The following ADAM23 variants were observed in gnomAD, a reference collection of about 807,000 sequenced individuals.
The protein encoded by ADAM23 is ADAM metallopeptidase domain 23.
Under a neutral mutation model 120.1 loss-of-function variants are expected in ADAM23, and 33 were observed. The ratio of observed to expected loss-of-function variants is 0.27; its 90% CI spans 0.21 to 0.37. The LOEUF (loss-of-function observed/expected upper bound fraction) is 0.37, where lower values mean the gene tolerates loss of function less well. ADAM23 is among the 10% of genes least tolerant of loss of function. The pLI is 1.00. For synonymous variants in ADAM23, 367 were observed against 375.2 expected (o/e 0.98, Z 0.25); for missense variants, 862 against 1,058.2 (o/e 0.81, Z 2.57).
At position 206,542,286 on chromosome 2, in the gene ADAM23, G is replaced by A. The variant is rs909423443; in HGVS notation, c.656+152G>A. The A allele has an allele frequency of 9.9e-6, 7 of 706,058 alleles. No homozygotes were observed. In the African/African-American group the frequency reaches 1.2e-4, roughly 13 times the overall value. The allele number at this position is 706,058 out of a possible 1,614,324, so 43.7% of individuals were successfully genotyped here. On this transcript the variant is annotated intron_variant, in intron 5 of 25. Coordinates refer to ENST00000264377, the MANE Select transcript of ADAM23 (RefSeq NM_003812.4). ...AGGAGGGCAATGTCCCTGTCCTCTT[G>A]AACACTTAGTGTTTGCAGGAGATTC...
intron 3 of ADAM23, among the ~76,000 whole-genome samples, chr2:206,489,949 C>G (rs1335589801): frequency 6.6e-6 from 1 of 152,210 alleles, no homozygotes; most frequent in Non-Finnish European, 1.5e-5. Flanking sequence ...GTAGAACCAT[C>G]TGTTATGCTC....
At chr2:206,600,004 A>G (rs1046857694) in intron 24 of ADAM23, among the ~76,000 whole-genome samples, 7 of 152,226 alleles carry the variant, frequency 4.6e-5, no homozygotes, top group East Asian at 1.9e-4. Flanking sequence ...GATCGAGACC[A>G]TCCTGGCTAA....
intron 4 of ADAM23, 36 bp downstream of exon 4, chr2:206,530,984 A>G: frequency 6.3e-7 from 1 of 1,585,416 alleles, no homozygotes; most frequent in Middle Eastern, 1.7e-4. Flanking sequence ...CTCTAGTATA[A>G]GTGTGCTTAT....
chr2:206,588,979 G>A (rs1462668482), intron 20 of ADAM23, among the ~76,000 whole-genome samples: 2 of 152,100 alleles, frequency 1.3e-5, no homozygotes, highest in Non-Finnish European at 2.9e-5. Flanking sequence ...ATCTCAATAG[G>A]CTACGACTTT....
intron 4 of ADAM23, 113 bp from the exon 5 acceptor site, chr2:206,541,939 T>TA: frequency 9.3e-7 from 1 of 1,077,174 alleles, no homozygotes; most frequent in Non-Finnish European, 1.4e-6. Flanking sequence ...CTAGGGTTAT[T>TA]AATACAGTGC....
intron 20 of ADAM23, among the ~76,000 whole-genome samples, chr2:206,588,778 T>A (rs577342611): frequency 1.3e-5 from 2 of 152,340 alleles, no homozygotes; most frequent in South Asian, 4.1e-4. Context: ...TAGCCAAGGC[T>A]GGGTTCACCC....
intron 7 of ADAM23, among the ~76,000 whole-genome samples, chr2:206,547,773 C>A (rs1303193659): frequency 6.6e-6 from 1 of 152,192 alleles, no homozygotes; most frequent in East Asian, 1.9e-4. Context: ...CAGTGAGGTT[C>A]ATCCTGAAAT....
chr2:206,546,428 T>C (rs1697399244), intron 6 of ADAM23, among the ~76,000 whole-genome samples: 1 of 152,224 alleles, frequency 6.6e-6, no homozygotes, highest in Non-Finnish European at 1.5e-5. Flanking sequence ...TGAGAATTCA[T>C]GTTATCTCTC....
At chr2:206,456,980 G>T (rs1378255871) in intron 2 of ADAM23, among the ~76,000 whole-genome samples, 1 of 152,112 alleles carries the variant, frequency 6.6e-6, no homozygotes, top group Non-Finnish European at 1.5e-5. Context: ...TCTTTTAATT[G>T]TAAGCAGGCC....
At chr2:206,594,260 ATTTG>A (rs1192425299) in intron 22 of ADAM23, among the ~76,000 whole-genome samples, 4 of 152,044 alleles carry the variant, frequency 2.6e-5, no homozygotes, top group Non-Finnish European at 4.4e-5. Flanking sequence ...AAAATAACTG[ATTTG>A]TTTATGTTTT....
At chr2:206,596,875 T>C (rs1002017948) in intron 24 of ADAM23, among the ~76,000 whole-genome samples, 1 of 151,292 alleles carries the variant, frequency 6.6e-6, no homozygotes, top group African/African-American at 2.4e-5. Flanking sequence ...CAGACTCTTG[T>C]TCTCTTCCCA....
intron 3 of ADAM23, among the ~76,000 whole-genome samples, chr2:206,503,807 C>T (rs1220644043): frequency 6.6e-6 from 1 of 152,010 alleles, no homozygotes; most frequent in East Asian, 1.9e-4. Flanking sequence ...TCTGTTATTT[C>T]CTATTTTGCT....
At chr2:206,499,834 C>T (rs570856473) in intron 3 of ADAM23, among the ~76,000 whole-genome samples, 6 of 151,898 alleles carry the variant, frequency 4.0e-5, no homozygotes, top group East Asian at 3.9e-4. Context: ...TCTTTGTATA[C>T]GTTTGATTCA....
intron 15 of ADAM23, among the ~76,000 whole-genome samples, chr2:206,569,243 A>T (rs2105829155): frequency 6.6e-6 from 1 of 152,320 alleles, no homozygotes; most frequent in South Asian, 2.1e-4. Flanking sequence ...CCATCAATGG[A>T]TTTCTGAAAT....
intron 24 of ADAM23, among the ~76,000 whole-genome samples, chr2:206,609,352 G>A (rs1262376389): frequency 6.6e-6 from 1 of 152,182 alleles, no homozygotes; most frequent in Non-Finnish European, 1.5e-5. Flanking sequence ...GTGAAGAAGT[G>A]TATCTTTGAG....
At chr2:206,575,244 A>G (rs1698088795) in intron 18 of ADAM23, among the ~76,000 whole-genome samples, 1 of 152,214 alleles carries the variant, frequency 6.6e-6, no homozygotes. Flanking sequence ...AAGGAAGTCA[A>G]GAATCAGGGC....
intron 13 of ADAM23, among the ~76,000 whole-genome samples, chr2:206,564,226 A>G (rs1263008629): frequency 6.6e-6 from 1 of 152,074 alleles, no homozygotes; most frequent in Non-Finnish European, 1.5e-5. Context: ...CGATATATCG[A>G]TAGAGAGAGA....
At chr2:206,544,689 T>G (rs1697360010) in intron 6 of ADAM23, among the ~76,000 whole-genome samples, 1 of 151,246 alleles carries the variant, frequency 6.6e-6, no homozygotes, top group Non-Finnish European at 1.5e-5. Flanking sequence ...CTTGGCTCAC[T>G]GCAAGCTCCG....
chr2:206,477,891 A>ATATATAT (rs1229595648), intron 2 of ADAM23, among the ~76,000 whole-genome samples: 64 of 94,398 alleles, frequency 6.8e-4, no homozygotes, highest in South Asian at 1.7e-3. Context: ...AAAAAAAAAA[A>ATATATAT]AAAAAAATAT....
Sources: allele counts gnomAD v4.1 joint callset (sites outside exome capture counted in the v4.1 genomes callset), GRCh38; gene constraint gnomAD v4.1.1; transcripts MANE v1.5; gene names NCBI Gene and HGNC (gene_info 2026-07-23, HGNC 2026-07-21).